The following ADAMTS20 variants were observed in gnomAD, a reference collection of about 807,000 sequenced individuals.
ADAMTS20 encodes ADAM metallopeptidase with thrombospondin type 1 motif 20.
ADAMTS20 carries 225 observed loss-of-function variants against 260.1 expected under a neutral mutation model. The ratio of observed to expected loss-of-function variants is 0.87; its 90% CI spans 0.78 to 0.97. ADAMTS20 has a LOEUF of 0.97. ADAMTS20 is among the 50% of genes least tolerant of loss of function. The pLI, the probability that ADAMTS20 is intolerant of heterozygous loss-of-function variation, is 0.00. For missense variants in ADAMTS20, 2,400 were observed against 2,337.7 expected (o/e 1.03, Z -0.55); for synonymous variants, 802 against 769.5 (o/e 1.04, Z -0.70).
chr12:43,438,305 C>T (rs1268618741), intron 18 of ADAMTS20, among the ~76,000 whole-genome samples: 2 of 152,178 alleles, frequency 1.3e-5, no homozygotes, highest in African/African-American at 2.4e-5. Flanking sequence ...CTTATATCCA[C>T]GGTCACAGAT....
chr12:43,511,318 G>A (rs903318567), intron 3 of ADAMTS20, among the ~76,000 whole-genome samples: 2 of 151,832 alleles, frequency 1.3e-5, no homozygotes, highest in East Asian at 3.9e-4. Context: ...CCCTATTTAG[G>A]ATGAGATATA....
chr12:43,463,710 T>C (rs1221988590), intron 10 of ADAMTS20, among the ~76,000 whole-genome samples: 1 of 152,196 alleles, frequency 6.6e-6, no homozygotes, highest in Non-Finnish European at 1.5e-5. Context: ...AAATAAGTTT[T>C]GCCTGTCCTA....
chr12:43,475,105 C>T (rs1942329182), intron 7 of ADAMTS20, among the ~76,000 whole-genome samples: 1 of 117,358 alleles, frequency 8.5e-6, no homozygotes, highest in Non-Finnish European at 1.8e-5. Context: ...CGTCTCAGCC[C>T]AAAATCTCCT....
intron 18 of ADAMTS20, among the ~76,000 whole-genome samples, chr12:43,437,128 C>T: frequency 6.6e-6 from 1 of 151,998 alleles, no homozygotes; most frequent in Middle Eastern, 3.4e-3. Flanking sequence ...GGAGGAAACA[C>T]ATATAAGTGA....
At chr12:43,357,842 T>C (rs1215712806) in intron 37 of ADAMTS20, among the ~76,000 whole-genome samples, 3 of 152,132 alleles carry the variant, frequency 2.0e-5, no homozygotes, top group Non-Finnish European at 2.9e-5. Flanking sequence ...AATACACAAA[T>C]ACATATATAA....
At chr12:43,385,230 T>C (rs1047219970) in intron 29 of ADAMTS20, among the ~76,000 whole-genome samples, 1 of 152,218 alleles carries the variant, frequency 6.6e-6, no homozygotes, top group Non-Finnish European at 1.5e-5. Flanking sequence ...TTTTTTCATA[T>C]GTTTGTTGGC....
rs550364751 is a variant in ADAMTS20, at chr12:43,429,626, A to G, written c.3480T>C (p.Ser1160=). 6.3e-7 allele frequency: 1 copy of G among 1,592,792 alleles called. No individual in the cohort carries two copies. Among genetic ancestry groups the G allele is most frequent in the African/African-American group, 1.3e-5 (1 of 74,688 alleles). Residue 1160 remains serine (S), a synonymous_variant, in exon 24 of 39, where the codon TCT becomes TCC. Transcript: ENST00000389420. ...IKKMAQWRHG[S]WTPCSVSCGR... is the part of the protein sequence containing the mutation. ...AAAGAAATTCACTTACTGGGGTCCA[A>G]GAACCATGTCGCCATTGTGCCATCT... is the stretch of plus-strand genomic sequence containing the variant.
chr12:43,383,464 T>G (rs1320074038), intron 31 of ADAMTS20, 94 bp downstream of exon 31: 4 of 1,295,936 alleles, frequency 3.1e-6, no homozygotes, highest in African/African-American at 1.5e-5. Flanking sequence ...TGCCCTCATA[T>G]TCAAATTTTA....
At chr12:43,425,973 A>ATTAT (rs1941326088) in intron 27 of ADAMTS20, among the ~76,000 whole-genome samples, 2 of 152,182 alleles carry the variant, frequency 1.3e-5, no homozygotes, top group South Asian at 4.1e-4. Flanking sequence ...TATTTCAGTA[A>ATTAT]GATATCCAGG....
At chr12:43,418,634 T>C (rs895500294) in intron 28 of ADAMTS20, among the ~76,000 whole-genome samples, 1 of 152,196 alleles carries the variant, frequency 6.6e-6, no homozygotes, top group African/African-American at 2.4e-5. Context: ...TTTTAAAACT[T>C]TGAAGCAAAC....
At chr12:43,376,030 T>C (rs1446818905) in intron 35 of ADAMTS20, 27 bp downstream of exon 35, 1 of 1,541,492 alleles carries the variant, frequency 6.5e-7, no homozygotes. Context: ...ATGAAAATGC[T>C]CAGATAGACC....
chr12:43,427,169 T>C (rs1941348635), intron 27 of ADAMTS20, 139 bp downstream of exon 27: 1 of 939,352 alleles, frequency 1.1e-6, no homozygotes, highest in African/African-American at 1.7e-5. Flanking sequence ...TGAGACCCTG[T>C]CTCCAAAAAC....
At chr12:43,547,826 T>G (rs1427100092) in intron 2 of ADAMTS20, among the ~76,000 whole-genome samples, 1 of 152,134 alleles carries the variant, frequency 6.6e-6, no homozygotes, top group Non-Finnish European at 1.5e-5. Context: ...TCAAGACCAG[T>G]GAGCTCTCAT....
chr12:43,526,457 CA>C (rs1295168779), intron 3 of ADAMTS20, among the ~76,000 whole-genome samples: 7 of 147,656 alleles, frequency 4.7e-5, no homozygotes, highest in Admixed American at 6.7e-5. Context: ...TACTCCGTCT[CA>C]AAAAAAAAAT....
intron 37 of ADAMTS20, among the ~76,000 whole-genome samples, chr12:43,362,990 T>C (rs889746746): frequency 6.6e-6 from 1 of 152,024 alleles, no homozygotes; most frequent in Non-Finnish European, 1.5e-5. Context: ...CCATTTCGGA[T>C]TTCTGACTTC....
intron 2 of ADAMTS20, among the ~76,000 whole-genome samples, chr12:43,535,786 C>T (rs1018245146): frequency 2.0e-5 from 3 of 151,988 alleles, no homozygotes; most frequent in Non-Finnish European, 4.4e-5. Flanking sequence ...AAGAAGGGTT[C>T]ATTTAATCAT....
intron 11 of ADAMTS20, among the ~76,000 whole-genome samples, chr12:43,457,338 C>A (rs544659255): frequency 6.6e-6 from 1 of 152,126 alleles, no homozygotes; most frequent in South Asian, 2.1e-4. Flanking sequence ...CACTTCTAGT[C>A]CAGATCTCTC....
chr12:43,412,342 A>C (rs2137273915), intron 28 of ADAMTS20, among the ~76,000 whole-genome samples: 1 of 152,346 alleles, frequency 6.6e-6, no homozygotes, highest in Non-Finnish European at 1.5e-5. Flanking sequence ...TTAAAGGGTG[A>C]AGTTTTACAA....
At chr12:43,392,559 A>G (rs77166993) in intron 29 of ADAMTS20, among the ~76,000 whole-genome samples, 6,212 of 152,212 alleles carry the variant, frequency 0.041, 399 homozygotes, top group African/African-American at 0.14. Flanking sequence ...TTTAGGAATA[A>G]AAGTACAAAA....
Sources: allele counts gnomAD v4.1 joint callset (sites outside exome capture counted in the v4.1 genomes callset), GRCh38; gene constraint gnomAD v4.1.1; transcripts MANE v1.5; gene names NCBI Gene and HGNC (gene_info 2026-07-23, HGNC 2026-07-21).